Variants in TNNI3K observed in about 807,000 individuals in gnomAD.
TNNI3K encodes the protein TNNI3 interacting kinase.
Under a neutral mutation model 114.5 loss-of-function variants are expected in TNNI3K, and 140 were observed. The ratio of observed to expected loss-of-function variants is 1.22; its 90% CI spans 1.07 to 1.41. The LOEUF is 1.41. Ranked by LOEUF, TNNI3K falls within the 40% of genes most tolerant of loss-of-function variation. TNNI3K has a pLI of 0.00. For synonymous variants in TNNI3K, 347 were observed against 347.5 expected, an observed-to-expected ratio of 1.00 and a Z score of 0.02; for missense variants, 1,125 against 1,007.6, an observed-to-expected ratio of 1.12 and a Z score of -1.58.
chr1:74,331,342 T>A lies in TNNI3K; in HGVS notation c.445-108T>A, dbSNP rs1386287675. On this transcript the variant is annotated intron_variant, in intron 5 of 24. Transcript: ENST00000326637. ...AAGGTGGATGGAAGAAAGTTGTGTT[T>A]TAGGGTGGCAACTCCTGATGAAGAT... The A allele has an allele frequency of 3.9e-5, 44 of 1,125,982 alleles. 1 individual carries two copies. The East Asian group carries it at 1.1e-3, about 27-fold the overall frequency. The allele number at this position is 1,125,982 out of a possible 1,614,324, so 69.7% of individuals were successfully genotyped here.
intron 5 of TNNI3K, among the ~76,000 whole-genome samples, chr1:74,331,234 A>C (rs1190400106): frequency 6.6e-6 from 1 of 152,218 alleles, no homozygotes; most frequent in African/African-American, 2.4e-5. Flanking sequence ...AAACACTGTC[A>C]GATTGAAGGG....
At chr1:74,279,414 A>T (rs995092871) in intron 5 of TNNI3K, among the ~76,000 whole-genome samples, 9 of 152,224 alleles carry the variant, frequency 5.9e-5, no homozygotes, top group Non-Finnish European at 1.2e-4. Flanking sequence ...TTAGCAATAT[A>T]GTATAACCAG....
chr1:74,508,633 G>A (rs1298239715), intron 23 of TNNI3K, among the ~76,000 whole-genome samples: 2 of 152,140 alleles, frequency 1.3e-5, no homozygotes, highest in African/African-American at 4.8e-5. Context: ...CGGTAGCATG[G>A]GAGACTGCAC....
At chr1:74,480,894 G>A (rs1000384443) in intron 21 of TNNI3K, 1 of 717,464 alleles carries the variant, frequency 1.4e-6, no homozygotes, top group Non-Finnish European at 2.6e-6. Context: ...TTAAACAAGA[G>A]AGACAGGTTT....
chr1:74,477,634 C>T (rs1031637385), intron 21 of TNNI3K, among the ~76,000 whole-genome samples: 2 of 152,120 alleles, frequency 1.3e-5, no homozygotes, highest in Admixed American at 6.5e-5. Context: ...ACAGTTTCTC[C>T]TCTAATTGTG....
chr1:74,330,442 A>G (rs1660136883), intron 5 of TNNI3K, among the ~76,000 whole-genome samples: 1 of 152,088 alleles, frequency 6.6e-6, no homozygotes, highest in South Asian at 2.1e-4. Context: ...TCCTCCATAT[A>G]TTTACCTTCC....
At position 74,325,061 on chromosome 1, in the gene TNNI3K, G is replaced by A. The variant is rs115710710; in HGVS notation, c.445-6389G>A. On this transcript the variant is annotated intron_variant, in intron 5 of 24. Coordinates refer to ENST00000326637, the MANE Select transcript of TNNI3K (RefSeq NM_015978.3). ...CTGACACTGAGGCAGAGGGCAAGGA[G>A]TAGGTACAAGTAAGTGTGGGGGAAT... 2.6e-3 allele frequency among the ~76,000 whole-genome samples: 401 copies of A among 152,306 alleles called. 2 individuals are homozygous for A. The highest frequency in any genetic ancestry group is 9.4e-3 in the African/African-American group (390 of 41,566).
intron 5 of TNNI3K, among the ~76,000 whole-genome samples, chr1:74,285,497 T>C (rs1657272779): frequency 6.7e-6 from 1 of 148,170 alleles, no homozygotes; most frequent in African/African-American, 2.5e-5. Flanking sequence ...CCATCTATCC[T>C]GAAGTTTTTC....
chr1:74,316,975 A>G (rs1659346993), intron 5 of TNNI3K, among the ~76,000 whole-genome samples: 1 of 152,062 alleles, frequency 6.6e-6, no homozygotes, highest in Non-Finnish European at 1.5e-5. Context: ...CTGGGATTAC[A>G]GGCGTAAACC....
intron 23 of TNNI3K, among the ~76,000 whole-genome samples, chr1:74,504,410 A>G (rs1669785255): frequency 6.6e-6 from 1 of 152,160 alleles, no homozygotes; most frequent in Admixed American, 6.6e-5. Context: ...TGGAGACTTC[A>G]CGCCGAACAA....
chr1:74,461,712 G>A (rs538148650), intron 20 of TNNI3K, among the ~76,000 whole-genome samples: 1 of 152,262 alleles, frequency 6.6e-6, no homozygotes, highest in East Asian at 1.9e-4. Context: ...ATGCTGTTGA[G>A]AGTATAAATT....
intron 2 of TNNI3K, among the ~76,000 whole-genome samples, chr1:74,246,851 C>A (rs1050558972): frequency 3.9e-5 from 6 of 152,162 alleles, no homozygotes; most frequent in Non-Finnish European, 8.8e-5. Flanking sequence ...TGGAAAAAAT[C>A]ATTTCATCAG....
Position 74,444,439 on chromosome 1 carries a change from C to G in TNNI3K, c.2011+4817C>G, listed in dbSNP as rs182694162. Among the ~76,000 whole-genome samples the G allele has an allele frequency of 7.9e-3, 1,191 of 150,790 alleles. 19 individuals are homozygous for G. Among genetic ancestry groups the G allele is most frequent in the African/African-American group, 0.028 (1,132 of 41,108 alleles). On this transcript the variant is annotated intron_variant, in intron 20 of 24. Coordinates refer to ENST00000326637, the MANE Select transcript of TNNI3K (RefSeq NM_015978.3). ...ATGAACCTCTCACTCACAATTGCTA[C>G]AAAGAGAAAAAAAAACCTAGGAATA...
intron 6 of TNNI3K, among the ~76,000 whole-genome samples, chr1:74,334,370 A>C (rs1371076030): frequency 6.6e-6 from 1 of 152,184 alleles, no homozygotes; most frequent in Non-Finnish European, 1.5e-5. Flanking sequence ...CATGGGAAGT[A>C]AAAATAGTTT....
chr1:74,305,624 C>G (rs1223018580), intron 5 of TNNI3K, among the ~76,000 whole-genome samples: 2 of 152,144 alleles, frequency 1.3e-5, no homozygotes, highest in Non-Finnish European at 2.9e-5. Flanking sequence ...GTGAGGCTGA[C>G]AGCTAAGGGC....
At chr1:74,461,917 A>G (rs977511546) in intron 20 of TNNI3K, among the ~76,000 whole-genome samples, 1 of 152,258 alleles carries the variant, frequency 6.6e-6, no homozygotes, top group Non-Finnish European at 1.5e-5. Flanking sequence ...TAAAAACTAA[A>G]TGCAGAGTCA....
At chr1:74,263,962 C>T (rs1361472901) in intron 4 of TNNI3K, among the ~76,000 whole-genome samples, 1 of 151,824 alleles carries the variant, frequency 6.6e-6, no homozygotes, top group Non-Finnish European at 1.5e-5. Context: ...TCTTATTATC[C>T]TCTTCCTGTT....
intron 5 of TNNI3K, among the ~76,000 whole-genome samples, chr1:74,323,351 C>T (rs1021260522): frequency 6.6e-6 from 1 of 152,174 alleles, no homozygotes; most frequent in African/African-American, 2.4e-5. Flanking sequence ...CTCTGAGCTT[C>T]ACTGTCCTTA....
intron 2 of TNNI3K, among the ~76,000 whole-genome samples, chr1:74,243,657 A>G (rs913702427): frequency 1.3e-5 from 2 of 152,202 alleles, no homozygotes; most frequent in African/African-American, 4.8e-5. Context: ...TTGGATCACA[A>G]AACTGCACAC....
Sources: gnomAD v4.1 joint callset for allele counts (sites outside exome capture counted in the v4.1 genomes callset) on GRCh38, gnomAD v4.1.1 for gene constraint, MANE v1.5 for transcripts, NCBI Gene and HGNC (gene_info 2026-07-23, HGNC 2026-07-21) for gene names.